The following SLIT2 variants were observed in gnomAD, a reference collection of about 807,000 sequenced individuals.
The protein encoded by SLIT2 is slit guidance ligand 2.
SLIT2 carries 41 observed loss-of-function variants against 185.7 expected under a neutral mutation model. That is an observed-to-expected ratio of 0.22 (90% CI 0.17 to 0.29). The LOEUF is 0.29. SLIT2 is among the 10% of genes least tolerant of loss of function. The probability of loss-of-function intolerance (pLI) is 1.00; values close to 1 mark genes in which losing one functional copy is unlikely to be tolerated. For synonymous variants in SLIT2, 693 were observed against 680.2 expected, an observed-to-expected ratio of 1.02 and a Z score of -0.29; for missense variants, 1,571 against 1,909.0, an observed-to-expected ratio of 0.82 and a Z score of 3.30.
At chr4:20,562,249 T>A (rs1724755356) in intron 26 of SLIT2, among the ~76,000 whole-genome samples, 1 of 151,910 alleles carries the variant, frequency 6.6e-6, no homozygotes, top group East Asian at 1.9e-4. Context: ...ATCTTCGACA[T>A]TGGTGGCCAC....
At chr4:20,382,816 A>T (rs563477782) in intron 4 of SLIT2, among the ~76,000 whole-genome samples, 1 of 152,282 alleles carries the variant, frequency 6.6e-6, no homozygotes, top group Non-Finnish European at 1.5e-5. Flanking sequence ...TGATATGGAG[A>T]TGAAATACAA....
chr4:20,370,869 A>G (rs1239624871), intron 4 of SLIT2, among the ~76,000 whole-genome samples: 1 of 152,118 alleles, frequency 6.6e-6, no homozygotes, highest in Non-Finnish European at 1.5e-5. Flanking sequence ...GAGAAAATGT[A>G]TGCCGGATAT....
At chr4:20,514,742 C>G (rs1035957563) in intron 11 of SLIT2, among the ~76,000 whole-genome samples, 1 of 147,042 alleles carries the variant, frequency 6.8e-6, no homozygotes, top group African/African-American at 2.4e-5. Flanking sequence ...TTTAAGGCCT[C>G]TCCTACTAAG....
intron 4 of SLIT2, among the ~76,000 whole-genome samples, chr4:20,386,074 A>G (rs1364358552): frequency 2.0e-5 from 3 of 152,124 alleles, no homozygotes; most frequent in Admixed American, 6.6e-5. Context: ...CCCACCAAAA[A>G]TGCCATAATG....
At chr4:20,547,750 T>C (rs1723376644) in intron 22 of SLIT2, among the ~76,000 whole-genome samples, 1 of 151,004 alleles carries the variant, frequency 6.6e-6, no homozygotes, top group African/African-American at 2.4e-5. Context: ...TGTGTATATA[T>C]ACACTATATA....
intron 4 of SLIT2, among the ~76,000 whole-genome samples, chr4:20,340,466 C>A (rs186480419): frequency 6.6e-6 from 1 of 152,072 alleles, no homozygotes; most frequent in East Asian, 1.9e-4. Context: ...TATTAAAAAC[C>A]TTGTAGTGCT....
chr4:20,389,774 G>A (rs1725270889), intron 4 of SLIT2, among the ~76,000 whole-genome samples: 1 of 152,070 alleles, frequency 6.6e-6, no homozygotes, highest in African/African-American at 2.4e-5. Flanking sequence ...TAGTAGTTGT[G>A]GTAGCTGTAG....
At chr4:20,441,332 G>A (rs1729721106) in intron 4 of SLIT2, among the ~76,000 whole-genome samples, 1 of 152,046 alleles carries the variant, frequency 6.6e-6, no homozygotes, top group South Asian at 2.1e-4. Context: ...TTATGGCACT[G>A]GCAAAAAATT....
At chr4:20,432,311 G>A (rs958067688) in intron 4 of SLIT2, among the ~76,000 whole-genome samples, 3 of 152,108 alleles carry the variant, frequency 2.0e-5, no homozygotes, top group Non-Finnish European at 4.4e-5. Flanking sequence ...ATGACTAATA[G>A]GATTAGGGGC....
chr4:20,289,326 T>C (rs1283301211), intron 4 of SLIT2, among the ~76,000 whole-genome samples: 2 of 152,286 alleles, frequency 1.3e-5, no homozygotes, highest in Non-Finnish European at 2.9e-5. Flanking sequence ...GAGATGACTA[T>C]TAAAAAAAAT....
At chr4:20,550,799 G>A (rs759462210) in intron 24 of SLIT2, 28 bp from the exon 25 acceptor site, 1 of 1,449,318 alleles carries the variant, frequency 6.9e-7, no homozygotes, top group South Asian at 1.2e-5. Context: ...AATATAGGAA[G>A]TTTAATTTTT....
Position 20,461,626 on chromosome 4 carries a change from C to T in SLIT2, c.396-6126C>T, listed in dbSNP as rs893621336. On this transcript the variant is annotated intron_variant, in intron 4 of 36. Transcript: ENST00000504154. ...TGGTAGGTGCGATCAGGGGACTAGA[C>T]GTGCAGGTAGGTCAGATTCTGGATA... Among the ~76,000 whole-genome samples the T allele has an allele frequency of 5.9e-5, 9 of 152,056 alleles. No homozygotes were observed. In the East Asian group the frequency reaches 9.7e-4, roughly 16 times the overall value.
intron 4 of SLIT2, among the ~76,000 whole-genome samples, chr4:20,333,046 T>C (rs1285900948): frequency 6.6e-6 from 1 of 152,204 alleles, no homozygotes; most frequent in East Asian, 1.9e-4. Flanking sequence ...TATTTAAGAC[T>C]ATCAGTTTGG....
At chr4:20,491,694 A>G in intron 8 of SLIT2, 67 bp from the exon 9 acceptor site, 1 of 1,386,324 alleles carries the variant, frequency 7.2e-7, no homozygotes, top group South Asian at 1.3e-5. Context: ...ACTTGAGCTA[A>G]GTTTGTCTGT....
chr4:20,500,787 A>G (rs1272755437), intron 9 of SLIT2, among the ~76,000 whole-genome samples: 1 of 152,190 alleles, frequency 6.6e-6, no homozygotes, highest in Non-Finnish European at 1.5e-5. Flanking sequence ...ATAAGAAGCT[A>G]TCATGCCGAT....
intron 4 of SLIT2, among the ~76,000 whole-genome samples, chr4:20,307,251 C>CTTCCTTCT (rs1717666069): frequency 7.1e-6 from 1 of 141,076 alleles, no homozygotes; most frequent in African/African-American, 2.7e-5. Context: ...TCCTTCCTTC[C>CTTCCTTCT]TTCCTTCCTT....
chr4:20,277,314 A>C (rs1261862084), intron 4 of SLIT2, among the ~76,000 whole-genome samples: 1 of 152,190 alleles, frequency 6.6e-6, no homozygotes, highest in Non-Finnish European at 1.5e-5. Context: ...GACACAAAAG[A>C]CATTATAAAC....
At chr4:20,263,959 G>T (rs1376210995) in intron 3 of SLIT2, among the ~76,000 whole-genome samples, 3 of 151,760 alleles carry the variant, frequency 2.0e-5, no homozygotes, top group Non-Finnish European at 2.9e-5. Context: ...TCCTAACGTA[G>T]TATATGGTCA....
intron 9 of SLIT2, among the ~76,000 whole-genome samples, chr4:20,505,540 T>C (rs528497231): frequency 6.6e-6 from 1 of 152,200 alleles, no homozygotes; most frequent in African/African-American, 2.4e-5. Flanking sequence ...TAATACTGTT[T>C]AATATCTTGT....
Sources: gnomAD v4.1 joint callset for allele counts (sites outside exome capture counted in the v4.1 genomes callset) on GRCh38, gnomAD v4.1.1 for gene constraint, MANE v1.5 for transcripts, NCBI Gene and HGNC (gene_info 2026-07-23, HGNC 2026-07-21) for gene names.